The following ZEB1 variants were observed in gnomAD, a reference collection of about 807,000 sequenced individuals.
The protein encoded by ZEB1 is zinc finger E-box-binding homeobox 1.
Under a neutral mutation model 84.9 loss-of-function variants are expected in ZEB1, and 21 were observed. The ratio of observed to expected loss-of-function variants is 0.25; its 90% CI spans 0.18 to 0.36. ZEB1 has a LOEUF of 0.36. Ranked by LOEUF, ZEB1 falls within the 10% of genes least tolerant of loss-of-function variation. The pLI is 1.00. For missense variants in ZEB1, 1,104 were observed against 1,330.2 expected, an observed-to-expected ratio of 0.83 and a Z score of 2.65; for synonymous variants, 420 against 471.1, an observed-to-expected ratio of 0.89 and a Z score of 1.41.
chr10:31,354,148 G>A (rs35162499), intron 1 of ZEB1, among the ~76,000 whole-genome samples: 37,729 of 152,096 alleles, frequency 0.25, 10,349 homozygotes, highest in African/African-American at 0.68. Flanking sequence ...AAGTCTGTCT[G>A]TTCAGCGTTA....
At chr10:31,440,659 C>A (rs1025445105) in intron 1 of ZEB1, among the ~76,000 whole-genome samples, 1 of 152,128 alleles carries the variant, frequency 6.6e-6, no homozygotes, top group African/African-American at 2.4e-5. Context: ...TAGAAAACCC[C>A]ATTGTCTCAG....
At chr10:31,343,819 G>C (rs914735487) in intron 1 of ZEB1, among the ~76,000 whole-genome samples, 1 of 152,210 alleles carries the variant, frequency 6.6e-6, no homozygotes, top group Non-Finnish European at 1.5e-5. Flanking sequence ...AATGCTCCAA[G>C]TATGATTTCA....
At chr10:31,447,124 A>T (rs2059894407) in intron 1 of ZEB1, among the ~76,000 whole-genome samples, 2 of 151,042 alleles carry the variant, frequency 1.3e-5, no homozygotes, top group South Asian at 4.2e-4. Flanking sequence ...TATATTTAGG[A>T]TAGTTAGCTC....
intron 1 of ZEB1, among the ~76,000 whole-genome samples, chr10:31,443,938 T>TG (rs1277470047): frequency 1.3e-5 from 2 of 150,014 alleles, no homozygotes; most frequent in East Asian, 3.9e-4. Flanking sequence ...AGTAATGGGA[T>TG]GGCTGGGTCA....
Position 31,520,184 on chromosome 10 carries a change from T to C in ZEB1, c.852T>C (p.Tyr284=), listed in dbSNP as rs1296306939. ...AACGCTTTTCCCATTCTGGCTCCTA[T>C]AGCTCACACATAAGCAGTAAGAAAT... ...CKKRFSHSGS[Y]SSHISSKKCI... Residue 284 remains tyrosine, a synonymous_variant, in exon 7 of 9, where the codon TAT becomes TAC. Coordinates refer to ENST00000424869, the MANE Select transcript of ZEB1 (RefSeq NM_001174096.2). This position sits in a 1 kb window ranked among gnomAD's most constrained non-coding sequence, Gnocchi z 5.1. The C allele has an allele frequency of 6.2e-7, 1 of 1,613,938 alleles. No homozygotes were observed. Among genetic ancestry groups the C allele is most frequent in the Admixed American group, 1.7e-5 (1 of 60,006 alleles).
intron 1 of ZEB1, among the ~76,000 whole-genome samples, chr10:31,391,961 A>C (rs2049823740): frequency 6.6e-6 from 1 of 152,224 alleles, no homozygotes; most frequent in African/African-American, 2.4e-5. Context: ...TTTTACTGAT[A>C]AACTGAAGTT....
At chr10:31,354,043 A>G (rs1000397145) in intron 1 of ZEB1, among the ~76,000 whole-genome samples, 3 of 152,344 alleles carry the variant, frequency 2.0e-5, no homozygotes, top group African/African-American at 7.2e-5. Flanking sequence ...AGTTTCTCAG[A>G]ATATTTTAAA....
At chr10:31,484,726 G>A (rs563665726) in intron 2 of ZEB1, among the ~76,000 whole-genome samples, 90 of 151,944 alleles carry the variant, frequency 5.9e-4, no homozygotes, top group Non-Finnish European at 1.2e-3. Context: ...TTTTCTTGCT[G>A]GCTGACAGAA....
intron 2 of ZEB1, 36 bp downstream of exon 2, chr10:31,461,273 A>T: frequency 6.4e-7 from 1 of 1,556,754 alleles, no homozygotes. Context: ...TTGTATTCTC[A>T]TGATTCGTTT....
chr10:31,444,107 A>G (rs985360918), intron 1 of ZEB1, among the ~76,000 whole-genome samples: 1 of 151,260 alleles, frequency 6.6e-6, no homozygotes, highest in Non-Finnish European at 1.5e-5. Flanking sequence ...CTGCCATTCT[A>G]ACTGGTGTGA....
intron 2 of ZEB1, among the ~76,000 whole-genome samples, chr10:31,488,178 T>C (rs1006983010): frequency 1.3e-5 from 2 of 151,362 alleles, no homozygotes; most frequent in Non-Finnish European, 3.0e-5. Flanking sequence ...TCTGATAAAA[T>C]TTGCAAGTGA....
chr10:31,458,789 C>A (rs2061519937), intron 1 of ZEB1, among the ~76,000 whole-genome samples: 1 of 151,934 alleles, frequency 6.6e-6, no homozygotes, highest in Non-Finnish European at 1.5e-5. Context: ...GTGCTTAACA[C>A]AGGCAAAAAA....
chr10:31,507,525 TC>T (rs1316739448), intron 4 of ZEB1, among the ~76,000 whole-genome samples: 5 of 152,008 alleles, frequency 3.3e-5, no homozygotes, highest in African/African-American at 1.2e-4. Flanking sequence ...TGTTCATTGT[TC>T]TTTTATTCTT....
At chr10:31,358,418 G>A (rs766774090) in intron 1 of ZEB1, 2 of 152,074 alleles carry the variant, frequency 1.3e-5, no homozygotes, top group Non-Finnish European at 2.9e-5. Context: ...TATATAGTTC[G>A]GAGTTGAAGA....
In ZEB1 at chr10:31,363,584, G is replaced by A. The variant is rs578228941; in HGVS notation, c.58+44292G>A. ...TCTTTCACCTCTGTTGCTTCTTTGG[G>A]CTCTTCTGCGCTCACCTCCGTCTTC... On this transcript the variant is annotated intron_variant, in intron 1 of 8. Transcript: ENST00000424869. 29 of 1,522,508 alleles carry A rather than the reference G, an allele frequency of 1.9e-5. No homozygotes were observed. In the African/African-American group the frequency reaches 3.6e-4, roughly 19 times the overall value. The allele number at this position is 1,522,508 out of a possible 1,614,324, so 94.3% of individuals were successfully genotyped here.
chr10:31,447,704 G>T (rs200908448), intron 1 of ZEB1, among the ~76,000 whole-genome samples: 14,656 of 151,128 alleles, frequency 0.097, 954 homozygotes, highest in Middle Eastern at 0.16. Context: ...GAAATTCTGG[G>T]TTGAAAATTC....
chr10:31,379,882 C>T (rs1219886971), intron 1 of ZEB1, among the ~76,000 whole-genome samples: 3 of 152,154 alleles, frequency 2.0e-5, no homozygotes, highest in Non-Finnish European at 2.9e-5. Flanking sequence ...GACTTCAAGT[C>T]TTTTCACTCC....
intron 1 of ZEB1, among the ~76,000 whole-genome samples, chr10:31,359,723 A>G (rs2042687005): frequency 6.6e-6 from 1 of 152,216 alleles, no homozygotes; most frequent in Non-Finnish European, 1.5e-5. Context: ...AGAAAAATCA[A>G]AATTTTATTC....
chr10:31,443,784 T>A (rs1179700694), intron 1 of ZEB1, among the ~76,000 whole-genome samples: 8 of 149,570 alleles, frequency 5.3e-5, no homozygotes, highest in Non-Finnish European at 1.0e-4. Context: ...GGTGTATATG[T>A]GCCACCTTTT....
Sources: gnomAD v4.1 joint callset for allele counts (sites outside exome capture counted in the v4.1 genomes callset) on GRCh38, gnomAD v4.1.1 for gene constraint, Gnocchi (gnomAD v3.1) non-coding constraint, MANE v1.5 for transcripts, NCBI Gene and HGNC (gene_info 2026-07-23, HGNC 2026-07-21) for gene names.